NXPE2: variants seen among roughly 807,000 people sequenced by gnomAD.
The protein encoded by NXPE2 is neurexophilin and PC-esterase domain family member 2.
A neutral mutation model predicts 34.4 loss-of-function variants in NXPE2; 34 were observed. The observed-to-expected ratio is 0.99, with a 90% CI of 0.75 to 1.31. The LOEUF is 1.31. Among genes scored for constraint, NXPE2 ranks in the 40% most tolerant of loss-of-function variants. The pLI is 0.00. For missense variants in NXPE2, 649 were observed against 672.5 expected (o/e 0.97, Z 0.39); for synonymous variants, 235 against 231.3 (o/e 1.02, Z -0.15).
chr11:114,560,685 C>T, the NXPE2 span, among the ~76,000 whole-genome samples: 1 of 152,144 alleles, frequency 6.6e-6, no homozygotes, highest in African/African-American at 2.4e-5. Context: ...ATTTAATTCA[C>T]CAATACAGTA....
chr11:114,632,511 TTTATA>T, the NXPE2 span, among the ~76,000 whole-genome samples: 14 of 125,022 alleles, frequency 1.1e-4, no homozygotes, highest in Admixed American at 4.1e-4. Flanking sequence ...AGTATTTTAT[TTTATA>T]TTATATTTTG....
intron 1 of NXPE2, 127 bp downstream of exon 1, chr11:114,678,728 G>C: frequency 3.0e-6 from 2 of 674,238 alleles, no homozygotes; most frequent in Admixed American, 6.0e-5. Context: ...CGTTTTATTT[G>C]GGCATAAAAA....
intron 5 of NXPE2, 39 bp from the exon 6 acceptor site, chr11:114,706,356 T>C (rs1464582409): frequency 6.9e-7 from 1 of 1,454,420 alleles, no homozygotes; most frequent in East Asian, 2.5e-5. Flanking sequence ...TATATCATTT[T>C]CCTTTTGTTA....
chr11:114,620,560 C>T, the NXPE2 span, among the ~76,000 whole-genome samples: 1 of 152,054 alleles, frequency 6.6e-6, no homozygotes, highest in African/African-American at 2.4e-5. Flanking sequence ...AGGGTAACCA[C>T]TGTTACGCGG....
At chr11:114,636,412 A>G in the NXPE2 span, among the ~76,000 whole-genome samples, 3 of 152,032 alleles carry the variant, frequency 2.0e-5, no homozygotes, top group Non-Finnish European at 4.4e-5. Context: ...TCAAAAAACC[A>G]GCTCCTGGAT....
At chr11:114,636,972 A>G in the NXPE2 span, among the ~76,000 whole-genome samples, 1 of 152,146 alleles carries the variant, frequency 6.6e-6, no homozygotes, top group African/African-American at 2.4e-5. Context: ...GTAGATGTCT[A>G]TTAGGTCCAC....
the NXPE2 span, among the ~76,000 whole-genome samples, chr11:114,617,358 C>G: frequency 6.6e-6 from 1 of 151,948 alleles, no homozygotes; most frequent in African/African-American, 2.4e-5. Flanking sequence ...ATAAGTATTA[C>G]GTCATTGGTA....
chr11:114,496,897 C>G, the NXPE2 span, among the ~76,000 whole-genome samples: 17 of 152,136 alleles, frequency 1.1e-4, no homozygotes, highest in African/African-American at 4.1e-4. Context: ...GTAAACAAAC[C>G]TGTGCTACCA....
chr11:114,536,379 A>T, the NXPE2 span, among the ~76,000 whole-genome samples: 1 of 152,210 alleles, frequency 6.6e-6, no homozygotes, highest in Non-Finnish European at 1.5e-5. Context: ...AGAACTAGAG[A>T]AGCAAGAGCA....
At chr11:114,756,761 T>G in the NXPE2 span, among the ~76,000 whole-genome samples, 4 of 152,214 alleles carry the variant, frequency 2.6e-5, 1 homozygote, top group Non-Finnish European at 5.9e-5. Flanking sequence ...AGTTTCCATA[T>G]TCATAAAGTG....
chr11:114,470,549 G>A, the NXPE2 span, among the ~76,000 whole-genome samples: 1 of 151,656 alleles, frequency 6.6e-6, no homozygotes, highest in Non-Finnish European at 1.5e-5. Context: ...AAAATTGGGT[G>A]TATAATAGGG....
chr11:114,696,731 T>C lies in NXPE2; in HGVS notation c.133-1314T>C, dbSNP rs756755474. Among the ~76,000 whole-genome samples the C allele has an allele frequency of 9.4e-4, 143 of 152,202 alleles. 4 individuals carry two copies. Among genetic ancestry groups the C allele is most frequent in the Non-Finnish European group, 3.8e-4 (26 of 68,030 alleles). ...TGTTCTTAGTAATTGATAAAATATG[T>C]AGAGAGAAAGTCAGTTTAGCAGGTT... On this transcript the variant is annotated intron_variant, in intron 2 of 5. Transcript: ENST00000389586.
At chr11:114,541,046 A>G in the NXPE2 span, among the ~76,000 whole-genome samples, 1 of 151,670 alleles carries the variant, frequency 6.6e-6, no homozygotes, top group Non-Finnish European at 1.5e-5. Context: ...GTAGACCCAA[A>G]GCAATCTGCA....
At chr11:114,550,671 TCTAA>T in the NXPE2 span, among the ~76,000 whole-genome samples, 1 of 152,174 alleles carries the variant, frequency 6.6e-6, no homozygotes, top group Non-Finnish European at 1.5e-5. Flanking sequence ...GGAAAAACTT[TCTAA>T]CTGTGACTTA....
chr11:114,581,303 A>C, the NXPE2 span, among the ~76,000 whole-genome samples: 1 of 152,096 alleles, frequency 6.6e-6, no homozygotes, highest in East Asian at 1.9e-4. Context: ...ATCAAGAGGG[A>C]GGGGTTATAA....
chr11:114,613,805 C>T, the NXPE2 span, among the ~76,000 whole-genome samples: 7 of 149,374 alleles, frequency 4.7e-5, no homozygotes, highest in East Asian at 8.1e-4. Context: ...GTGGATAATA[C>T]GTCTTGCCTC....
At chr11:114,665,847 T>G in the NXPE2 span, among the ~76,000 whole-genome samples, 1 of 152,148 alleles carries the variant, frequency 6.6e-6, no homozygotes, top group African/African-American at 2.4e-5. Flanking sequence ...TAATTAAAGG[T>G]GCCATTTATT....
the NXPE2 span, among the ~76,000 whole-genome samples, chr11:114,591,196 G>A: frequency 6.6e-6 from 1 of 152,212 alleles, no homozygotes; most frequent in Admixed American, 6.5e-5. Flanking sequence ...AGGCACAAGT[G>A]CTCAACTAGC....
the NXPE2 span, among the ~76,000 whole-genome samples, chr11:114,789,505 G>T: frequency 2.4e-4 from 37 of 152,284 alleles, 2 homozygotes; most frequent in African/African-American, 8.7e-4. Flanking sequence ...ATTGAACACA[G>T]CTTTGTACCA....
Sources: gnomAD v4.1 joint callset for allele counts (sites outside exome capture counted in the v4.1 genomes callset) on GRCh38, gnomAD v4.1.1 for gene constraint, MANE v1.5 for transcripts, NCBI Gene and HGNC (gene_info 2026-07-23, HGNC 2026-07-21) for gene names.